Variants in IQCM observed in about 807,000 individuals in gnomAD.
The protein encoded by IQCM is IQ domain-containing protein M.
In IQCM, 45 loss-of-function variants were observed where a neutral mutation model predicts 57.6. The observed-to-expected ratio is 0.78, with a 90% CI of 0.62 to 1.00. The LOEUF (loss-of-function observed/expected upper bound fraction) is 1.00. Among genes scored for constraint, IQCM ranks in the 50% least tolerant of loss-of-function variants. The pLI, the probability that IQCM is intolerant of heterozygous loss-of-function variation, is 0.00. For missense variants in IQCM, 468 were observed against 511.6 expected (o/e 0.91, Z 0.82); for synonymous variants, 148 against 158.9 (o/e 0.93, Z 0.51).
In IQCM at chr4:149,797,302, G is replaced by A. The variant is rs1773197175; in HGVS notation, c.-49+18009C>T. On this transcript the variant is annotated intron_variant, in intron 2 of 13. Coordinates refer to ENST00000636793, the MANE Select transcript of IQCM (RefSeq NM_001363507.2). ...ATGAAGACTGCACCAGAGTTCTTTA[G>A]TAGCAGAACTGATCAAGCAGAAGAA... Among the ~76,000 whole-genome samples the A allele has an allele frequency of 2.0e-5, 3 of 152,042 alleles. 1 individual carries two copies. The South Asian group carries it at 6.2e-4, about 32-fold the overall frequency.
intron 13 of IQCM, among the ~76,000 whole-genome samples, chr4:149,366,833 T>C (rs938390145): frequency 1.3e-5 from 2 of 151,972 alleles, no homozygotes; most frequent in African/African-American, 2.4e-5. Flanking sequence ...AAATTTCCTG[T>C]ATGTATAAAA....
At chr4:149,782,499 A>G (rs1178420631) in intron 2 of IQCM, among the ~76,000 whole-genome samples, 4 of 151,800 alleles carry the variant, frequency 2.6e-5, no homozygotes, top group African/African-American at 4.8e-5. Context: ...AGTCCCAGCT[A>G]TTTGAGAGGC....
chr4:149,733,306 A>C lies in IQCM; in HGVS notation c.323T>G (p.Phe108Cys). The C allele has an allele frequency of 8.1e-7, 1 of 1,231,436 alleles. No individual in the cohort carries two copies. Among genetic ancestry groups the C allele is most frequent in the Non-Finnish European group, 1.0e-6 (1 of 987,724 alleles). 76.3% of individuals were successfully genotyped at this position (1,231,436 alleles called of 1,614,324 possible). The change falls in exon 5 of 14, where the codon TTC becomes TGC. Residue 108 changes from phenylalanine (F) to cysteine (C), a missense_variant. Phe to Cys is a radical substitution (Grantham distance 205). Transcript: ENST00000636793. ...TCTACTAAAAATGTGTGGTTCCTTG[A>C]AGGAGATTCGTTGTGGGGGTTCCTG... The part of the protein sequence containing the change: ...HLQEPPQRIS[F>C]KEPHIFSRRE...
At chr4:149,557,668 C>T (rs909300327) in intron 10 of IQCM, among the ~76,000 whole-genome samples, 6 of 151,704 alleles carry the variant, frequency 4.0e-5, no homozygotes, top group African/African-American at 1.5e-4. Context: ...AACTTCCCAC[C>T]GGCAAGTCTA....
intron 10 of IQCM, among the ~76,000 whole-genome samples, chr4:149,562,346 A>C (rs1750205293): frequency 6.6e-6 from 1 of 152,226 alleles, no homozygotes; most frequent in Non-Finnish European, 1.5e-5. Context: ...GCAGTTCAAC[A>C]AATGTCATGA....
At chr4:149,659,406 C>G (rs1467781814) in intron 7 of IQCM, among the ~76,000 whole-genome samples, 1 of 152,020 alleles carries the variant, frequency 6.6e-6, no homozygotes, top group Non-Finnish European at 1.5e-5. Flanking sequence ...CCATACTGCC[C>G]AAGGTAATTT....
intron 12 of IQCM, among the ~76,000 whole-genome samples, chr4:149,484,886 A>G (rs1019948746): frequency 6.6e-6 from 1 of 152,044 alleles, no homozygotes; most frequent in Non-Finnish European, 1.5e-5. Context: ...TTTGGTATTG[A>G]TGAAATCCCT....
chr4:149,648,313 G>C (rs1165297356), intron 7 of IQCM, among the ~76,000 whole-genome samples: 1 of 152,086 alleles, frequency 6.6e-6, no homozygotes, highest in Non-Finnish European at 1.5e-5. Flanking sequence ...AAAACAATTT[G>C]TGGTAGTTTG....
intron 13 of IQCM, among the ~76,000 whole-genome samples, chr4:149,381,108 C>T (rs1731047860): frequency 6.6e-6 from 1 of 152,110 alleles, no homozygotes; most frequent in African/African-American, 2.4e-5. Flanking sequence ...AACTATTTGA[C>T]TTTGATTCAT....
At position 149,357,117 on chromosome 4, in the gene IQCM, G is replaced by T. The variant is rs972717532; in HGVS notation, c.1391-5051C>A. On this transcript the variant is annotated intron_variant, in intron 13 of 13. Transcript: ENST00000636793. ...TTTTGTATCCTGAGACTTTGCTGAA[G>T]TTGCTTATCAGCTTAAGGAGATTTT... 4.6e-5 allele frequency among the ~76,000 whole-genome samples: 7 copies of T among 152,186 alleles called. No individual in the cohort carries two copies. In the South Asian group the frequency reaches 6.2e-4, roughly 13 times the overall value.
intron 8 of IQCM, among the ~76,000 whole-genome samples, chr4:149,601,233 A>C (rs1754262361): frequency 6.9e-6 from 1 of 144,098 alleles, no homozygotes; most frequent in Non-Finnish European, 1.5e-5. Context: ...TTTCTAACAA[A>C]TTCCTAGGTG....
intron 7 of IQCM, among the ~76,000 whole-genome samples, chr4:149,622,191 C>G (rs1481155809): frequency 2.0e-5 from 3 of 152,110 alleles, no homozygotes; most frequent in African/African-American, 7.2e-5. Context: ...ACATTCTAAT[C>G]AGTACATAAA....
chr4:149,765,970 A>G (rs1293163564), intron 2 of IQCM, among the ~76,000 whole-genome samples: 1 of 151,904 alleles, frequency 6.6e-6, no homozygotes, highest in Admixed American at 6.6e-5. Flanking sequence ...AGCAGCACCC[A>G]TTTCCTAGCC....
intron 2 of IQCM, among the ~76,000 whole-genome samples, chr4:149,763,940 G>A (rs941514902): frequency 6.6e-6 from 1 of 151,790 alleles, no homozygotes; most frequent in African/African-American, 2.4e-5. Context: ...GCTGAGCAAA[G>A]TGCCCTATTT....
intron 2 of IQCM, among the ~76,000 whole-genome samples, chr4:149,785,335 C>T (rs966544115): frequency 6.6e-6 from 1 of 152,062 alleles, no homozygotes; most frequent in African/African-American, 2.4e-5. Context: ...ATAATTTTTA[C>T]CCTAGCTTTA....
intron 5 of IQCM, among the ~76,000 whole-genome samples, chr4:149,715,422 T>C (rs1368186191): frequency 1.3e-5 from 2 of 152,154 alleles, no homozygotes; most frequent in African/African-American, 4.8e-5. Context: ...CCAGGGAACA[T>C]AGTAACCCCT....
At chr4:149,520,763 C>T (rs1479779130) in intron 12 of IQCM, among the ~76,000 whole-genome samples, 2 of 152,132 alleles carry the variant, frequency 1.3e-5, no homozygotes, top group African/African-American at 4.8e-5. Flanking sequence ...ATACTTCCCT[C>T]AAAGTCTTTC....
chr4:149,459,713 C>T (rs924746007), intron 12 of IQCM, among the ~76,000 whole-genome samples: 3 of 152,134 alleles, frequency 2.0e-5, no homozygotes, highest in African/African-American at 7.2e-5. Context: ...TGGCTTATTT[C>T]ACATAGCATA....
intron 13 of IQCM, among the ~76,000 whole-genome samples, chr4:149,399,441 G>A (rs1396233609): frequency 6.6e-6 from 1 of 151,924 alleles, no homozygotes. Context: ...TGGGAGGAAG[G>A]GAGAGAGTGA....
Sources: gnomAD v4.1 joint callset for allele counts (sites outside exome capture counted in the v4.1 genomes callset) on GRCh38, gnomAD v4.1.1 for gene constraint, MANE v1.5 for transcripts, NCBI Gene and HGNC (gene_info 2026-07-23, HGNC 2026-07-21) for gene names.